The following PPP4R4 variants were observed in gnomAD, a reference collection of about 807,000 sequenced individuals.
PPP4R4 encodes serine/threonine-protein phosphatase 4 regulatory subunit 4.
A neutral mutation model predicts 121.8 loss-of-function variants in PPP4R4; 70 were observed. The observed-to-expected ratio is 0.57, with a 90% CI of 0.47 to 0.70. The LOEUF is 0.70. Among genes scored for constraint, PPP4R4 ranks in the 30% least tolerant of loss-of-function variants. PPP4R4 has a pLI of 0.00. For synonymous variants in PPP4R4, 348 were observed against 355.7 expected, an observed-to-expected ratio of 0.98 and a Z score of 0.24; for missense variants, 875 against 1,033.6, an observed-to-expected ratio of 0.85 and a Z score of 2.10.
chr14:94,175,940 G>A (rs1888657026), intron 1 of PPP4R4, 114 bp from the exon 2 acceptor site: 1 of 816,400 alleles, frequency 1.2e-6, no homozygotes, highest in African/African-American at 1.7e-5. Context: ...CATTGTTAAT[G>A]CTTAATTGTG....
chr14:94,247,460 CAGA>C (rs1193562658), intron 14 of PPP4R4, among the ~76,000 whole-genome samples: 4 of 152,196 alleles, frequency 2.6e-5, no homozygotes, highest in Non-Finnish European at 5.9e-5. Context: ...ACTGCACTGC[CAGA>C]CTACCAGCAG....
At chr14:94,254,234 G>C (rs545999647) in intron 16 of PPP4R4, among the ~76,000 whole-genome samples, 2 of 152,124 alleles carry the variant, frequency 1.3e-5, no homozygotes, top group Admixed American at 6.5e-5. Flanking sequence ...TTCTAGACAT[G>C]CCTTGGGTTA....
chr14:94,266,823 T>A lies in PPP4R4; in HGVS notation c.2379-136T>A, dbSNP rs563618681. On this transcript the variant is annotated intron_variant, in intron 22 of 24. Coordinates refer to ENST00000304338, the MANE Select transcript of PPP4R4 (RefSeq NM_058237.2). ...TTGTGAGGCATGAATATAAAAAAAA[T>A]GAGAAATAAAAGCAACAAACGTTTC... 9.8e-6 allele frequency: 6 copies of A among 611,914 alleles called. No homozygotes were observed. The Admixed American group carries it at 1.1e-4, about 11-fold the overall frequency. The allele number at this position is 611,914 out of a possible 1,614,324, so 37.9% of individuals were successfully genotyped here. A position where few individuals can be genotyped will look rare whatever the true frequency, so the allele number is the denominator to read the frequency against.
chr14:94,231,748 G>A (rs1892050324), intron 5 of PPP4R4, among the ~76,000 whole-genome samples: 1 of 152,108 alleles, frequency 6.6e-6, no homozygotes, highest in African/African-American at 2.4e-5. Context: ...GAGCATTTCT[G>A]TAGAGCTCTT....
chr14:94,234,674 G>A lies in PPP4R4; in HGVS notation c.731+5G>A, dbSNP rs1336999169. ...AAATATAGCCCAGGGCATTGGGTAGGTATACTTTGAATTCCTTATGCCATT... is the reference window on the plus strand; with the variant it reads ...AAATATAGCCCAGGGCATTGGGTAGATATACTTTGAATTCCTTATGCCATT... On this transcript the variant is annotated splice_donor_5th_base_variant and intron_variant, in intron 7 of 24. Coordinates refer to ENST00000304338, the MANE Select transcript of PPP4R4 (RefSeq NM_058237.2). 1 of 1,551,014 alleles carries A rather than the reference G, an allele frequency of 6.4e-7. No homozygotes were observed. The highest frequency in any genetic ancestry group is 8.9e-7 in the Non-Finnish European group (1 of 1,123,870).
chr14:94,208,346 A>G (rs1890571263), intron 2 of PPP4R4, 118 bp from the exon 3 acceptor site: 1 of 602,806 alleles, frequency 1.7e-6, no homozygotes, highest in Non-Finnish European at 2.6e-6. Flanking sequence ...TAAAACTTAG[A>G]AGTCTGAGTG....
chr14:94,241,576 T>C (rs547019407), intron 9 of PPP4R4, among the ~76,000 whole-genome samples: 1 of 152,250 alleles, frequency 6.6e-6, no homozygotes, highest in Non-Finnish European at 1.5e-5. Context: ...ACTTTTGAAA[T>C]TAAAATATTA....
intron 3 of PPP4R4, among the ~76,000 whole-genome samples, chr14:94,226,066 G>A (rs1284712647): frequency 6.6e-6 from 1 of 152,092 alleles, no homozygotes; most frequent in African/African-American, 2.4e-5. Flanking sequence ...TCTTTGCAAA[G>A]TTTTGAATTG....
chr14:94,213,953 C>T (rs1008692410), intron 3 of PPP4R4, among the ~76,000 whole-genome samples: 1 of 152,148 alleles, frequency 6.6e-6, no homozygotes, highest in Non-Finnish European at 1.5e-5. Context: ...AACCCCCTAC[C>T]GTGTCCTTAA....
chr14:94,174,976 C>A (rs1207072770), intron 1 of PPP4R4, among the ~76,000 whole-genome samples: 1 of 96,838 alleles, frequency 1.0e-5, no homozygotes, highest in African/African-American at 4.1e-5. Flanking sequence ...TCCTTCCGCC[C>A]CCCCCCCCCA....
chr14:94,224,638 A>G (rs140541007), intron 3 of PPP4R4, among the ~76,000 whole-genome samples: 1 of 152,302 alleles, frequency 6.6e-6, no homozygotes, highest in African/African-American at 2.4e-5. Flanking sequence ...GAGGAGGCCC[A>G]GGTGTTACAG....
At position 94,246,551 on chromosome 14, in the gene PPP4R4, A is replaced by ACCTTT. The variant is rs1233514271; in HGVS notation, c.1611+14_1611+18dup. On this transcript the variant is annotated intron_variant, in intron 14 of 24. Coordinates refer to ENST00000304338, the MANE Select transcript of PPP4R4 (RefSeq NM_058237.2). ...TCATGATGACAAATGTGAGCTCAGT[A>ACCTTT]CCTTTCATCTTATTCTTTTGAACTC... is the stretch of plus-strand genomic sequence containing the variant. 1 of 1,595,018 alleles carries ACCTTT rather than the reference A, an allele frequency of 6.3e-7. No individual in the cohort carries two copies. The highest frequency in any genetic ancestry group is 2.2e-5 in the East Asian group (1 of 44,796).
chr14:94,243,617 G>A (rs1022627153), intron 11 of PPP4R4, among the ~76,000 whole-genome samples: 1 of 152,124 alleles, frequency 6.6e-6, no homozygotes, highest in African/African-American at 2.4e-5. Flanking sequence ...ATATGGAAAT[G>A]TACATGTGTA....
In PPP4R4 at chr14:94,256,520, G is replaced by A; in HGVS notation, c.1926G>A (p.Lys642=). The stretch of plus-strand genomic sequence containing the variant: ...CTACTCTGAAGATTCCTGCTGATAA[G>A]CATCTACTTCAGCAGTTAGAAATGT... ...VKSTLKIPAD[K]HLLQQLEMCV... is the part of the protein sequence containing the mutation. Residue 642 remains lysine, a synonymous_variant, in exon 17 of 25, where the codon AAG becomes AAA. Transcript: ENST00000304338. 4 of 1,601,516 alleles carry A rather than the reference G, an allele frequency of 2.5e-6. No homozygotes were observed. In the South Asian group the frequency reaches 4.4e-5, roughly 18 times the overall value.
chr14:94,274,444 A>C (rs1050585480), intron 23 of PPP4R4, among the ~76,000 whole-genome samples: 3 of 152,192 alleles, frequency 2.0e-5, no homozygotes, highest in Non-Finnish European at 2.9e-5. Flanking sequence ...AAAATTAGGC[A>C]ACCAATTTTA....
chr14:94,211,277 A>G (rs181312570), intron 3 of PPP4R4, among the ~76,000 whole-genome samples: 1 of 152,306 alleles, frequency 6.6e-6, no homozygotes, highest in East Asian at 1.9e-4. Flanking sequence ...GAAAGGTATA[A>G]TGGTCATTTG....
rs997615430 is a variant in PPP4R4 at position 94,217,407 on chromosome 14, A to C, written c.294+8841A>C. On this transcript the variant is annotated intron_variant, in intron 3 of 24. Transcript: ENST00000304338. ...TTCAACCCCCTGGACTTAACAGCCT[A>C]GCAGAGGTGGAATGTTCATTTCTGA... Among the ~76,000 whole-genome samples the C allele has an allele frequency of 3.3e-5, 5 of 152,210 alleles. No homozygotes were observed. In the East Asian group the frequency reaches 9.6e-4, roughly 29 times the overall value.
chr14:94,272,804 G>A (rs1894405313), intron 23 of PPP4R4, among the ~76,000 whole-genome samples: 1 of 152,048 alleles, frequency 6.6e-6, no homozygotes, highest in African/African-American at 2.4e-5. Context: ...TTAACAGTAG[G>A]AAAACTAACA....
At chr14:94,235,826 C>A (rs928316195) in intron 7 of PPP4R4, among the ~76,000 whole-genome samples, 3 of 152,102 alleles carry the variant, frequency 2.0e-5, no homozygotes, top group Non-Finnish European at 4.4e-5. Context: ...TACCTAAAAA[C>A]CATCTTGGGA....
Sources: gnomAD v4.1 joint callset for allele counts (sites outside exome capture counted in the v4.1 genomes callset) on GRCh38, gnomAD v4.1.1 for gene constraint, MANE v1.5 for transcripts, NCBI Gene and HGNC (gene_info 2026-07-23, HGNC 2026-07-21) for gene names.